GCN1: variants seen among roughly 807,000 people sequenced by gnomAD.
GCN1 encodes stalled ribosome sensor GCN1.
In GCN1, 90 loss-of-function variants were observed where a neutral mutation model predicts 288.4. The ratio of observed to expected loss-of-function variants is 0.31; its 90% CI spans 0.26 to 0.37. The LOEUF (loss-of-function observed/expected upper bound fraction) is 0.37. Ranked by LOEUF, GCN1 falls within the 10% of genes least tolerant of loss-of-function variation. The probability of loss-of-function intolerance (pLI) is 1.00; values close to 1 mark genes in which losing one functional copy is unlikely to be tolerated. For missense variants in GCN1, 2,586 were observed against 3,419.9 expected (o/e 0.76, Z 6.08); for synonymous variants, 1,386 against 1,420.2 (o/e 0.98, Z 0.54).
At chr12:120,162,748 T>C in intron 20 of GCN1, 99 bp downstream of exon 20, 1 of 1,321,888 alleles carries the variant, frequency 7.6e-7, no homozygotes, top group South Asian at 1.4e-5. Context: ...CTACATTTCA[T>C]CCATCTTCAC....
At chr12:120,150,083 C>T (rs747652866) in intron 34 of GCN1, 40 bp from the exon 35 acceptor site, 18 of 1,608,552 alleles carry the variant, frequency 1.1e-5, no homozygotes, top group Admixed American at 1.0e-4. Flanking sequence ...AAGAGAATGT[C>T]CCCTGGGGGT....
At chr12:120,164,251 A>G in intron 18 of GCN1, 85 bp downstream of exon 18, 1 of 1,141,126 alleles carries the variant, frequency 8.8e-7, no homozygotes, top group Admixed American at 2.1e-5. Flanking sequence ...ACACCCAGGG[A>G]GTGGCCCAGC....
At chr12:120,186,764 C>T (rs945058315) in intron 2 of GCN1, among the ~76,000 whole-genome samples, 2 of 152,196 alleles carry the variant, frequency 1.3e-5, no homozygotes, top group African/African-American at 4.8e-5. Context: ...CATACCCAGA[C>T]AATGCGTTAC....
At chr12:120,146,501 G>A (rs1229785052) in intron 38 of GCN1, among the ~76,000 whole-genome samples, 1 of 151,934 alleles carries the variant, frequency 6.6e-6, no homozygotes, top group Non-Finnish European at 1.5e-5. Context: ...AAAGTCCTGG[G>A]ATTACAAGCA....
chr12:120,151,956 C>T (rs944343414), intron 33 of GCN1, among the ~76,000 whole-genome samples: 2 of 152,230 alleles, frequency 1.3e-5, no homozygotes, highest in African/African-American at 4.8e-5. Context: ...CTTAGGCTTT[C>T]TGACACCATA....
chr12:120,177,116 G>A (rs897419178), intron 9 of GCN1, among the ~76,000 whole-genome samples: 4 of 152,072 alleles, frequency 2.6e-5, no homozygotes, highest in South Asian at 2.1e-4. Context: ...TGGATAGAGT[G>A]CAGTGTCGCC....
chr12:120,148,969 A>C (rs1394951774), intron 36 of GCN1, among the ~76,000 whole-genome samples: 6 of 148,310 alleles, frequency 4.0e-5, no homozygotes, highest in Non-Finnish European at 1.5e-5. Flanking sequence ...ACAGGCATGC[A>C]CCACCACACT....
intron 9 of GCN1, among the ~76,000 whole-genome samples, chr12:120,176,927 T>G (rs1878498679): frequency 6.6e-6 from 1 of 152,154 alleles, no homozygotes; most frequent in Non-Finnish European, 1.5e-5. Context: ...CCACCACGCC[T>G]AATTTTTTTC....
chr12:120,146,686 A>G (rs1877373748), intron 38 of GCN1, among the ~76,000 whole-genome samples: 1 of 152,190 alleles, frequency 6.6e-6, no homozygotes, highest in Non-Finnish European at 1.5e-5. Context: ...TCACACATGC[A>G]AGCTCTTGGG....
At chr12:120,146,290 A>G (rs1306414527) in intron 38 of GCN1, among the ~76,000 whole-genome samples, 2 of 151,744 alleles carry the variant, frequency 1.3e-5, no homozygotes, top group African/African-American at 2.4e-5. Context: ...AAAAATTAAC[A>G]GTAATTATTT....
At chr12:120,143,984 T>C (rs964279783) in intron 42 of GCN1, among the ~76,000 whole-genome samples, 1 of 152,192 alleles carries the variant, frequency 6.6e-6, no homozygotes, top group African/African-American at 2.4e-5. Context: ...TTGGATCTTT[T>C]TTTTTCTCCT....
intron 3 of GCN1, 111 bp from the exon 4 acceptor site, chr12:120,184,354 A>G: frequency 1.2e-6 from 1 of 851,444 alleles, no homozygotes; most frequent in South Asian, 1.6e-5. Context: ...ATCACACCAT[A>G]TTCCAGTGGA....
Position 120,158,365 on chromosome 12 carries a change from A to G in GCN1, c.2905+95T>C. 1 of 1,062,464 alleles carries G rather than the reference A, an allele frequency of 9.4e-7. No individual in the cohort carries two copies. The highest frequency in any genetic ancestry group is 1.3e-6 in the Non-Finnish European group (1 of 748,294). 65.8% of individuals were successfully genotyped at this position (1,062,464 alleles called of 1,614,324 possible). On this transcript the variant is annotated intron_variant, in intron 25 of 57. Coordinates refer to ENST00000300648, the MANE Select transcript of GCN1 (RefSeq NM_006836.2). The surrounding 1 kb of genome is among the most constrained non-coding windows in gnomAD (Gnocchi z 4.3). ...AATCCTCCATATGGTCCAATCCCCC[A>G]GGCTCAGGAGGCCCTGGGTGACGCT...
rs1349662544 is a variant in GCN1, at chr12:120,151,023, G to A, written c.4309+122C>T. 5.7e-6 allele frequency: 6 copies of A among 1,049,228 alleles called. No homozygotes were observed. In the East Asian group the frequency reaches 1.4e-4, roughly 25 times the overall value. The allele number at this position is 1,049,228 out of a possible 1,614,324, so 65.0% of individuals were successfully genotyped here. ...GCTGGACTGGGTCGCACACAGCGGGGCCCTCTGTAGTACACGCACAAGCAA... is the reference window on the plus strand; with the variant it reads ...GCTGGACTGGGTCGCACACAGCGGGACCCTCTGTAGTACACGCACAAGCAA... On this transcript the variant is annotated intron_variant, in intron 34 of 57. Coordinates refer to ENST00000300648, the MANE Select transcript of GCN1 (RefSeq NM_006836.2).
Position 120,173,726 on chromosome 12 carries a change from T to G in GCN1, c.1293A>C (p.Lys431Asn). ...VPKKLTEWFK[K>N]AFSLKTSTSA... The stretch of plus-strand genomic sequence containing the variant: ...ATGTGGAGGTTTTAAGGCTGAAAGC[T>G]TTTTTGAACCATTCAGTGAGCTTCT... The change falls in exon 14 of 58, where the codon AAA becomes AAC. Residue 431 changes from lysine (K) to asparagine (N), a missense_variant. This residue lies in a region of GCN1 where 913 missense variants were observed against 1,107.0 expected (regional missense o/e 0.82). Coordinates refer to ENST00000300648, the MANE Select transcript of GCN1 (RefSeq NM_006836.2). The G allele has an allele frequency of 6.2e-7, 1 of 1,612,912 alleles. No homozygotes were observed. Among genetic ancestry groups the G allele is most frequent in the Non-Finnish European group, 8.5e-7 (1 of 1,178,822 alleles).
At chr12:120,190,863 T>C (rs1488519868) in intron 1 of GCN1, among the ~76,000 whole-genome samples, 2 of 152,010 alleles carry the variant, frequency 1.3e-5, no homozygotes, top group African/African-American at 4.8e-5. Flanking sequence ...AACCTCCCCA[T>C]AAAGGGAATG....
intron 2 of GCN1, among the ~76,000 whole-genome samples, chr12:120,189,304 C>T (rs1243424271): frequency 6.6e-6 from 1 of 151,560 alleles, no homozygotes; most frequent in Non-Finnish European, 1.5e-5. Context: ...AACTCCTGAC[C>T]TCGTGATCCA....
rs199894077 is a variant in GCN1 at position 120,178,597 on chromosome 12, C to T, written c.660+28G>A. 213 of 1,613,480 alleles carry T rather than the reference C, an allele frequency of 1.3e-4. No individual in the cohort carries two copies. In the African/African-American group the frequency reaches 2.5e-3, roughly 19 times the overall value. On this transcript the variant is annotated intron_variant, in intron 7 of 57. Transcript: ENST00000300648. ...CTCCCAACATCCCCAACATAGCAAA[C>T]CCACAGTCACTCTGCCTTGGCACTT...
intron 1 of GCN1, among the ~76,000 whole-genome samples, chr12:120,191,694 T>C (rs1279318976): frequency 6.6e-6 from 1 of 152,262 alleles, no homozygotes; most frequent in African/African-American, 2.4e-5. Flanking sequence ...GTTTTAACTT[T>C]AAAATGTCTT....
Sources: gnomAD v4.1 joint callset for allele counts (sites outside exome capture counted in the v4.1 genomes callset) on GRCh38, gnomAD v4.1.1 for gene constraint, gnomAD v4.1.1 regional missense constraint, Gnocchi (gnomAD v3.1) non-coding constraint, MANE v1.5 for transcripts, NCBI Gene and HGNC (gene_info 2026-07-23, HGNC 2026-07-21) for gene names.